GPR149: variants seen among roughly 807,000 people sequenced by gnomAD.
GPR149 encodes the protein G protein-coupled receptor 149, also known as probable G protein-coupled receptor 149.
In GPR149, 50 loss-of-function variants were observed where a neutral mutation model predicts 50.2. The ratio of observed to expected loss-of-function variants is 1.00; its 90% CI spans 0.79 to 1.26. The LOEUF is 1.26. Ranked by LOEUF, GPR149 falls within the 50% of genes most tolerant of loss-of-function variation. GPR149 has a pLI of 0.00. For missense variants in GPR149, 983 were observed against 895.4 expected (o/e 1.10, Z -1.25); for synonymous variants, 405 against 358.2 (o/e 1.13, Z -1.48).
intron 3 of GPR149, among the ~76,000 whole-genome samples, chr3:154,376,597 G>A (rs1168898771): frequency 1.3e-5 from 2 of 152,218 alleles, no homozygotes; most frequent in Admixed American, 1.3e-4. Context: ...TGGAGGAATG[G>A]AAAACAAATT....
intron 3 of GPR149, among the ~76,000 whole-genome samples, chr3:154,397,044 C>A (rs1715309513): frequency 6.6e-6 from 1 of 151,888 alleles, no homozygotes; most frequent in Non-Finnish European, 1.5e-5. Flanking sequence ...ATTATTGTGT[C>A]TTTTGGATAT....
At chr3:154,360,781 G>A (rs1714360986) in intron 3 of GPR149, among the ~76,000 whole-genome samples, 1 of 152,084 alleles carries the variant, frequency 6.6e-6, no homozygotes, top group Non-Finnish European at 1.5e-5. Flanking sequence ...TTTCTAGGTA[G>A]TATAATTTTA....
At chr3:154,384,060 T>C (rs1005215801) in intron 3 of GPR149, among the ~76,000 whole-genome samples, 2 of 152,140 alleles carry the variant, frequency 1.3e-5, no homozygotes, top group Non-Finnish European at 2.9e-5. Flanking sequence ...TGGTATTTTG[T>C]TATAACAGCC....
chr3:154,351,311 T>TGCAAAAAAAA lies in GPR149; in HGVS notation c.1624-13041_1624-13040insTTTTTTTTGC, dbSNP rs1341107044. ...GTGCTAGGGCAATTAGACATCCACA[T>TGCAAAAAAAA]ACAAAAAAAAAAAAAAAAAAAAAAA... On this transcript the variant is annotated intron_variant, in intron 3 of 3. Coordinates refer to ENST00000389740, the MANE Select transcript of GPR149 (RefSeq NM_001038705.3). Among the ~76,000 whole-genome samples, 17 of 19,706 alleles carry TGCAAAAAAAA rather than the reference T, an allele frequency of 8.6e-4. 4 individuals are homozygous for TGCAAAAAAAA. Among genetic ancestry groups the TGCAAAAAAAA allele is most frequent in the Admixed American group, 1.9e-3 (2 of 1,054 alleles). The allele number at this position is 19,706 out of a possible 152,430, so 12.9% of individuals were successfully genotyped here.
rs554039060 is a variant in GPR149, at chr3:154,335,489, A to T, written c.*2210T>A. 42 of 152,268 alleles carry T rather than the reference A, an allele frequency of 2.8e-4. 1 individual carries two copies. The South Asian group carries it at 7.9e-3, about 29-fold the overall frequency. The allele number at this position is 152,268 out of a possible 1,614,324, so 9.4% of individuals were successfully genotyped here. A position where few individuals can be genotyped will look rare whatever the true frequency, so the allele number is the denominator to read the frequency against. On this transcript the variant is annotated 3_prime_UTR_variant, in exon 4 of 4. Coordinates refer to ENST00000389740, the MANE Select transcript of GPR149 (RefSeq NM_001038705.3). The stretch of plus-strand genomic sequence containing the variant: ...GTTACAGGTTAGTAATATGGTGCTG[A>T]TTAGCCTTTCAAACTAAGACTTTGG...
intron 3 of GPR149, among the ~76,000 whole-genome samples, chr3:154,388,566 T>C (rs890477715): frequency 1.6e-4 from 24 of 152,178 alleles, no homozygotes; most frequent in African/African-American, 5.5e-4. Context: ...AGTAATTTTC[T>C]GGTACCTTAG....
chr3:154,416,701 T>A (rs1359011464), intron 3 of GPR149, among the ~76,000 whole-genome samples: 1 of 151,918 alleles, frequency 6.6e-6, no homozygotes, highest in African/African-American at 2.4e-5. Context: ...TCAGGCGACT[T>A]TAAAATTAGT....
chr3:154,427,554 C>T lies in GPR149; in HGVS notation c.1136G>A (p.Arg379Lys), dbSNP rs761700660. 3.1e-6 allele frequency: 5 copies of T among 1,613,696 alleles called. No individual in the cohort carries two copies. The South Asian group carries it at 4.4e-5, about 14-fold the overall frequency. ...HLPCGCIINC[R>K]QNAYAVASDG... ...GGACGCCACTGCATATGCGTTCTGC[C>T]TGCAGTTGATGATGCAGCCACAGGG... The change falls in exon 2 of 4, where the codon AGG becomes AAG. Residue 379 changes from arginine to lysine, a missense_variant. Coordinates refer to ENST00000389740, the MANE Select transcript of GPR149 (RefSeq NM_001038705.3).
At chr3:154,423,359 T>C (rs1423764400) in intron 2 of GPR149, among the ~76,000 whole-genome samples, 1 of 151,898 alleles carries the variant, frequency 6.6e-6, no homozygotes, top group East Asian at 1.9e-4. Context: ...GATATGAATT[T>C]AAAGCTAGCT....
At chr3:154,396,793 A>G (rs1012164434) in intron 3 of GPR149, among the ~76,000 whole-genome samples, 1 of 151,906 alleles carries the variant, frequency 6.6e-6, no homozygotes, top group Middle Eastern at 3.2e-3. Flanking sequence ...AATCATTTCT[A>G]TCAGACTATC....
intron 3 of GPR149, among the ~76,000 whole-genome samples, chr3:154,371,960 C>A (rs1714675532): frequency 6.6e-6 from 1 of 151,806 alleles, no homozygotes; most frequent in Non-Finnish European, 1.5e-5. Flanking sequence ...ATGAGCTCAA[C>A]TCACGGCATC....
At chr3:154,418,869 C>T (rs569005338) in intron 3 of GPR149, among the ~76,000 whole-genome samples, 1 of 151,760 alleles carries the variant, frequency 6.6e-6, no homozygotes, top group African/African-American at 2.4e-5. Context: ...AAAAAAAGAA[C>T]CTTTTTAATT....
intron 3 of GPR149, among the ~76,000 whole-genome samples, chr3:154,358,414 T>C (rs913918001): frequency 2.1e-4 from 32 of 152,196 alleles, no homozygotes; most frequent in African/African-American, 7.5e-4. Context: ...AAATCACTTT[T>C]TTTCCTTGAA....
intron 3 of GPR149, among the ~76,000 whole-genome samples, chr3:154,343,531 G>T (rs1713853075): frequency 6.6e-6 from 1 of 152,132 alleles, no homozygotes; most frequent in Admixed American, 6.5e-5. Flanking sequence ...TGGAGTATGT[G>T]TTGGGGTTTG....
intron 3 of GPR149, among the ~76,000 whole-genome samples, chr3:154,369,135 C>T (rs72998674): frequency 2.6e-5 from 4 of 152,228 alleles, no homozygotes; most frequent in South Asian, 2.1e-4. Context: ...AGACTAACCA[C>T]GGGTGTGGGA....
chr3:154,368,315 C>T (rs1249520214), intron 3 of GPR149, among the ~76,000 whole-genome samples: 1 of 152,196 alleles, frequency 6.6e-6, no homozygotes, highest in African/African-American at 2.4e-5. Context: ...ATTTAGAAGT[C>T]TTAAATTTTT....
intron 3 of GPR149, among the ~76,000 whole-genome samples, chr3:154,388,436 T>G (rs1321589353): frequency 1.3e-5 from 2 of 152,174 alleles, no homozygotes; most frequent in Non-Finnish European, 2.9e-5. Flanking sequence ...TTTTTTCCTC[T>G]GTCTCTGTCT....
intron 2 of GPR149, among the ~76,000 whole-genome samples, chr3:154,422,933 C>T (rs1040740358): frequency 6.6e-6 from 1 of 151,704 alleles, no homozygotes; most frequent in Non-Finnish European, 1.5e-5. Flanking sequence ...TATAAAGTGA[C>T]AAATTGTCAT....
At chr3:154,382,483 G>A (rs1200954020) in intron 3 of GPR149, among the ~76,000 whole-genome samples, 2 of 152,186 alleles carry the variant, frequency 1.3e-5, no homozygotes, top group African/African-American at 4.8e-5. Context: ...AAGTCAATTT[G>A]CAGAAAGCTA....
Sources: allele counts gnomAD v4.1 joint callset (sites outside exome capture counted in the v4.1 genomes callset), GRCh38; gene constraint gnomAD v4.1.1; transcripts MANE v1.5; gene names NCBI Gene and HGNC (gene_info 2026-07-23, HGNC 2026-07-21).